Variants in FYB2 observed in about 807,000 individuals in gnomAD.
The protein encoded by FYB2 is FYN binding protein 2, also known as FYN-binding protein 2.
FYB2 carries 103 observed loss-of-function variants against 94.1 expected under a neutral mutation model. The observed-to-expected ratio is 1.09, with a 90% CI of 0.93 to 1.29. The LOEUF (loss-of-function observed/expected upper bound fraction) is 1.29, where lower values mean the gene tolerates loss of function less well. Ranked by LOEUF, FYB2 falls within the 50% of genes most tolerant of loss-of-function variation. FYB2 has a pLI of 0.00. For missense variants in FYB2, 896 were observed against 841.5 expected (o/e 1.06, Z -0.80); for synonymous variants, 293 against 287.9 (o/e 1.02, Z -0.18).
Position 56,744,248 on chromosome 1 carries a change from A to G in FYB2, c.1406T>C (p.Leu469Ser). 1 of 1,611,842 alleles carries G rather than the reference A, an allele frequency of 6.2e-7. No homozygotes were observed. The highest frequency in any genetic ancestry group is 1.1e-5 in the South Asian group (1 of 90,998). ...SQGHCGHLEVLESTKETPDLG... is the reference protein window; with the variant it reads ...SQGHCGHLEVSESTKETPDLG... ...GTCTGGAGTTTCTTTAGTTGACTCC[A>G]AAACCTCCAGATGCCCACCTGAAAG... The change falls in exon 10 of 20, where the codon TTG (leucine) becomes TCG (serine). Residue 469 changes from leucine to serine, a missense_variant. By Grantham distance (145) the Leu-to-Ser change is moderately radical. Transcript: ENST00000343433.
chr1:56,738,606 A>G lies in FYB2; in HGVS notation c.1732+19T>C, dbSNP rs201163285. On this transcript the variant is annotated intron_variant, in intron 14 of 19. Transcript: ENST00000343433. ...AAAAGCTGAGTACTTTTGGTCTGCA[A>G]TAAGCAAATGGCACTTACCTAAATC... The G allele has an allele frequency of 8.1e-6, 13 of 1,606,874 alleles. No homozygotes were observed. Among genetic ancestry groups the G allele is most frequent in the East Asian group, 2.2e-5 (1 of 44,602 alleles).
chr1:56,747,488 A>T (rs1277194798), intron 9 of FYB2, among the ~76,000 whole-genome samples: 1 of 151,886 alleles, frequency 6.6e-6, no homozygotes, highest in Non-Finnish European at 1.5e-5. Flanking sequence ...ACTCCCACTT[A>T]TGAGTGAGAA....
At chr1:56,752,828 G>A (rs543304589) in intron 8 of FYB2, among the ~76,000 whole-genome samples, 2 of 152,214 alleles carry the variant, frequency 1.3e-5, no homozygotes, top group South Asian at 4.1e-4. Flanking sequence ...AGCAGAGCTT[G>A]TGATTTTTCA....
intron 5 of FYB2, among the ~76,000 whole-genome samples, chr1:56,766,647 C>T (rs1329641531): frequency 6.6e-6 from 1 of 152,106 alleles, no homozygotes; most frequent in Non-Finnish European, 1.5e-5. Context: ...CCGTGTTAGC[C>T]AGGATGGTCT....
intron 15 of FYB2, among the ~76,000 whole-genome samples, chr1:56,735,984 A>G (rs1171235136): frequency 6.6e-6 from 1 of 152,176 alleles, no homozygotes; most frequent in Non-Finnish European, 1.5e-5. Context: ...CAAAGAAATG[A>G]TAAATGTTTG....
chr1:56,790,731 A>G (rs2100963578), intron 2 of FYB2, among the ~76,000 whole-genome samples: 1 of 152,344 alleles, frequency 6.6e-6, no homozygotes, highest in South Asian at 2.1e-4. Context: ...CAAATAAACA[A>G]GAGCATTACA....
chr1:56,755,452 G>A (rs1486597774), intron 7 of FYB2, among the ~76,000 whole-genome samples: 5 of 152,062 alleles, frequency 3.3e-5, no homozygotes, highest in Non-Finnish European at 5.9e-5. Flanking sequence ...CTGTTAAATT[G>A]GGGTGAATCA....
chr1:56,772,905 A>G (rs112887665), intron 4 of FYB2, among the ~76,000 whole-genome samples: 3 of 152,194 alleles, frequency 2.0e-5, no homozygotes, highest in Non-Finnish European at 4.4e-5. Context: ...TGAGGTTTAC[A>G]TCTTGTAAAA....
In FYB2 at chr1:56,747,562, C is replaced by A. The variant is rs181067850; in HGVS notation, c.1388-3296G>T. On this transcript the variant is annotated intron_variant, in intron 9 of 19. Coordinates refer to ENST00000343433, the MANE Select transcript of FYB2 (RefSeq NM_001004303.5). ...TGAGAATGATGGCTTCCAGCTTCAC[C>A]CATGTCCTTGCAAAGGACATGAACT... 1.3e-3 allele frequency among the ~76,000 whole-genome samples: 201 copies of A among 152,098 alleles called. 3 individuals carry two copies. The highest frequency in any genetic ancestry group is 4.7e-3 in the African/African-American group (195 of 41,496).
chr1:56,814,798 C>T lies in FYB2; in HGVS notation c.9+4484G>A, dbSNP rs551689720. 1.2e-4 allele frequency among the ~76,000 whole-genome samples: 18 copies of T among 151,856 alleles called. No homozygotes were observed. The South Asian group carries it at 3.7e-3, about 32-fold the overall frequency. Reference sequence around the variant, plus strand: ...AGCAGGTCCACTTGTGTAGATGTTACCCTATCTTGTGACTTATTCCTTAAA... The same window carrying T: ...AGCAGGTCCACTTGTGTAGATGTTATCCTATCTTGTGACTTATTCCTTAAA... On this transcript the variant is annotated intron_variant, in intron 1 of 19. Coordinates refer to ENST00000343433, the MANE Select transcript of FYB2 (RefSeq NM_001004303.5).
At position 56,753,907 on chromosome 1, in the gene FYB2, C is replaced by A. The variant is rs555531218; in HGVS notation, c.1159G>T (p.Glu387Ter). ...GGTTTCAATTCACATGGTTGTTTTT[C>A]CTTCATTTTTTTATCTTCATGTTTA... ...SAKHEDKKMK[E>*]KQPCELKPKN... The change falls in exon 8 of 20, where the codon GAA (glutamate) becomes TAA (stop). Residue 387 changes from glutamate (E) to a stop codon, truncating the protein, a stop_gained. Transcript: ENST00000343433. LOFTEE classifies it high-confidence loss of function. The A allele has an allele frequency of 8.1e-6, 13 of 1,610,308 alleles. No individual in the cohort carries two copies. The highest frequency in any genetic ancestry group is 9.3e-6 in the Non-Finnish European group (11 of 1,177,506).
intron 4 of FYB2, among the ~76,000 whole-genome samples, chr1:56,784,871 A>G (rs1330759432): frequency 1.3e-5 from 2 of 152,190 alleles, no homozygotes; most frequent in Non-Finnish European, 2.9e-5. Context: ...TAGTCTCACA[A>G]AAGAGAACAC....
intron 9 of FYB2, among the ~76,000 whole-genome samples, chr1:56,747,262 T>A (rs1207498024): frequency 6.6e-6 from 1 of 151,964 alleles, no homozygotes; most frequent in Non-Finnish European, 1.5e-5. Flanking sequence ...TAACTTTTTT[T>A]TTTTATTTTA....
chr1:56,719,025 T>C lies in FYB2; in HGVS notation c.*646A>G, dbSNP rs1162451026. 1 of 152,528 alleles carries C rather than the reference T, an allele frequency of 6.6e-6. No homozygotes were observed. Among genetic ancestry groups the C allele is most frequent in the Admixed American group, 6.6e-5 (1 of 15,260 alleles). 9.4% of individuals were successfully genotyped at this position (152,528 alleles called of 1,614,324 possible). On this transcript the variant is annotated 3_prime_UTR_variant, in exon 20 of 20. Transcript: ENST00000343433. The stretch of plus-strand genomic sequence containing the variant: ...TAATACAGCATATATATTATTTTGT[T>C]AAATACATTTGGGCACTTCTTAAAA...
chr1:56,802,346 C>G (rs1449012240), intron 1 of FYB2, among the ~76,000 whole-genome samples: 1 of 152,174 alleles, frequency 6.6e-6, no homozygotes, highest in Non-Finnish European at 1.5e-5. Flanking sequence ...ACTTCATCCC[C>G]ATTTAGTGAA....
At chr1:56,826,552 A>T in the FYB2 span, 1 of 152,410 alleles carries the variant, frequency 6.6e-6, no homozygotes, top group East Asian at 1.9e-4. Flanking sequence ...TCCCTTGCAT[A>T]CCTGTTACCC....
chr1:56,772,339 T>G (rs1645777252), intron 4 of FYB2, among the ~76,000 whole-genome samples: 1 of 152,146 alleles, frequency 6.6e-6, no homozygotes, highest in Non-Finnish European at 1.5e-5. Flanking sequence ...TAGGATCAAT[T>G]GTCTTTGCAG....
At chr1:56,760,006 G>C (rs1447222749) in intron 5 of FYB2, among the ~76,000 whole-genome samples, 1 of 151,032 alleles carries the variant, frequency 6.6e-6, no homozygotes, top group South Asian at 2.1e-4. Context: ...TTTAACCAGG[G>C]AGGCAGAGGA....
At chr1:56,796,272 C>T (rs1646394781) in intron 1 of FYB2, among the ~76,000 whole-genome samples, 1 of 152,100 alleles carries the variant, frequency 6.6e-6, no homozygotes, top group South Asian at 2.1e-4. Flanking sequence ...TTATCCATCA[C>T]CCATAGGTGG....
Sources: allele counts gnomAD v4.1 joint callset (sites outside exome capture counted in the v4.1 genomes callset), GRCh38; gene constraint gnomAD v4.1.1; transcripts MANE v1.5; gene names NCBI Gene and HGNC (gene_info 2026-07-23, HGNC 2026-07-21).